The following PTPRM variants were observed in gnomAD, a reference collection of about 807,000 sequenced individuals.
The protein encoded by PTPRM is protein tyrosine phosphatase receptor type M.
PTPRM carries 47 observed loss-of-function variants against 186.7 expected under a neutral mutation model. That is an observed-to-expected ratio of 0.25 (90% CI 0.20 to 0.32). The LOEUF (loss-of-function observed/expected upper bound fraction) is 0.32. PTPRM is among the 10% of genes least tolerant of loss of function. The probability of loss-of-function intolerance (pLI) is 1.00; values close to 1 mark genes in which losing one functional copy is unlikely to be tolerated. For missense variants in PTPRM, 1,494 were observed against 1,865.0 expected, an observed-to-expected ratio of 0.80 and a Z score of 3.66; for synonymous variants, 668 against 674.9, an observed-to-expected ratio of 0.99 and a Z score of 0.16.
chr18:8,347,938 G>A (rs937956430), intron 23 of PTPRM, among the ~76,000 whole-genome samples: 16 of 152,190 alleles, frequency 1.1e-4, no homozygotes, highest in African/African-American at 3.9e-4. Flanking sequence ...ATCTGTCCTT[G>A]AAATGTCTGG....
At chr18:7,937,413 G>A (rs2051886667) in intron 5 of PTPRM, among the ~76,000 whole-genome samples, 1 of 152,168 alleles carries the variant, frequency 6.6e-6, no homozygotes. Flanking sequence ...ACCTGGAGCT[G>A]CCCATCCCAC....
intron 1 of PTPRM, among the ~76,000 whole-genome samples, chr18:7,574,277 A>C (rs2036632461): frequency 6.6e-6 from 1 of 152,246 alleles, no homozygotes; most frequent in African/African-American, 2.4e-5. Flanking sequence ...TGTAAAACTC[A>C]AATGAATAAA....
chr18:7,699,945 A>T (rs1351431917), intron 1 of PTPRM, among the ~76,000 whole-genome samples: 1 of 152,154 alleles, frequency 6.6e-6, no homozygotes, highest in Non-Finnish European at 1.5e-5. Context: ...AGCACCATTA[A>T]TTGAAAAGAG....
chr18:7,884,495 C>T (rs757450310), intron 2 of PTPRM, among the ~76,000 whole-genome samples: 1 of 152,094 alleles, frequency 6.6e-6, no homozygotes, highest in Non-Finnish European at 1.5e-5. Flanking sequence ...TGGGGGCAGT[C>T]CAGACAGAAT....
chr18:8,220,844 T>G (rs1482296209), intron 14 of PTPRM, among the ~76,000 whole-genome samples: 1 of 152,224 alleles, frequency 6.6e-6, no homozygotes, highest in Non-Finnish European at 1.5e-5. Flanking sequence ...GAGCTAAATG[T>G]AAGCATTTAT....
intron 2 of PTPRM, among the ~76,000 whole-genome samples, chr18:7,807,308 A>C (rs1261806361): frequency 6.6e-6 from 1 of 152,228 alleles, no homozygotes; most frequent in Non-Finnish European, 1.5e-5. Flanking sequence ...GCAAATACAG[A>C]AGGCAGAAAC....
At chr18:7,827,981 G>A (rs1416694409) in intron 2 of PTPRM, among the ~76,000 whole-genome samples, 1 of 152,214 alleles carries the variant, frequency 6.6e-6, no homozygotes, top group East Asian at 1.9e-4. Flanking sequence ...TCATCATCTG[G>A]AGCAGTGTGA....
chr18:8,274,059 C>T (rs895746066), intron 19 of PTPRM, among the ~76,000 whole-genome samples: 2 of 152,182 alleles, frequency 1.3e-5, no homozygotes, highest in Admixed American at 6.5e-5. Flanking sequence ...TAGTACTTCT[C>T]CCAATAGATG....
intron 2 of PTPRM, among the ~76,000 whole-genome samples, chr18:7,781,055 A>G (rs2042831545): frequency 6.6e-6 from 1 of 152,162 alleles, no homozygotes; most frequent in Non-Finnish European, 1.5e-5. Flanking sequence ...GCCCAGTGCA[A>G]TGTTCAACAG....
At chr18:8,387,797 G>T (rs978568424) in intron 31 of PTPRM, among the ~76,000 whole-genome samples, 5 of 152,168 alleles carry the variant, frequency 3.3e-5, no homozygotes, top group African/African-American at 1.2e-4. Context: ...GGGAGAATGT[G>T]TATATTGGGA....
At chr18:7,695,712 C>G (rs1018214228) in intron 1 of PTPRM, among the ~76,000 whole-genome samples, 1 of 152,122 alleles carries the variant, frequency 6.6e-6, no homozygotes, top group Non-Finnish European at 1.5e-5. Flanking sequence ...GCAGAGTTAG[C>G]AGGAAGAGTG....
intron 14 of PTPRM, among the ~76,000 whole-genome samples, chr18:8,237,431 A>ATT (rs59073560): frequency 0.012 from 832 of 71,586 alleles, 67 homozygotes; most frequent in African/African-American, 0.022. Context: ...GATTCCCTCA[A>ATT]TTTTTTTTTT....
intron 19 of PTPRM, among the ~76,000 whole-genome samples, chr18:8,296,070 A>G (rs962910983): frequency 6.6e-6 from 1 of 152,252 alleles, no homozygotes; most frequent in African/African-American, 2.4e-5. Context: ...TTAAATATTC[A>G]GCTGAGATGG....
intron 1 of PTPRM, among the ~76,000 whole-genome samples, chr18:7,681,894 C>T (rs527369930): frequency 1.9e-4 from 29 of 152,304 alleles, no homozygotes; most frequent in African/African-American, 7.0e-4. Context: ...CTGGATGCTT[C>T]TCATGCACTG....
At chr18:8,261,826 G>T (rs1201518337) in intron 19 of PTPRM, among the ~76,000 whole-genome samples, 1 of 152,176 alleles carries the variant, frequency 6.6e-6, no homozygotes, top group East Asian at 1.9e-4. Context: ...CAACTGTCTG[G>T]TTTCCATTTT....
chr18:7,888,254 T>A lies in PTPRM; in HGVS notation c.345T>A (p.Asn115Lys). Residue 115 changes from asparagine (N) to lysine (K), a missense_variant, in exon 3 of 33, where the codon AAT becomes AAA. By Grantham distance (94) the Asn-to-Lys change is moderately conservative (BLOSUM62 0). This residue lies in a region of PTPRM where 296 missense variants were observed against 345.5 expected (regional missense o/e 0.86). Transcript: ENST00000580170. Reference sequence around the variant, plus strand: ...GTAATTCTCCTCCGGGGTTACTCAATGTCTACGTGAAGGTCAATAACGGGC... The same window carrying A: ...GTAATTCTCCTCCGGGGTTACTCAAAGTCTACGTGAAGGTCAATAACGGGC... ...SKSNSPPGLL[N>K]VYVKVNNGPL... is the part of the protein sequence containing the mutation. 2 of 1,614,188 alleles carry A rather than the reference T, an allele frequency of 1.2e-6. No homozygotes were observed. Among genetic ancestry groups the A allele is most frequent in the Non-Finnish European group, 1.7e-6 (2 of 1,180,014 alleles).
chr18:7,978,455 C>CT (rs1422901577), intron 7 of PTPRM, among the ~76,000 whole-genome samples: 8 of 152,292 alleles, frequency 5.3e-5, no homozygotes, highest in East Asian at 1.9e-4. Flanking sequence ...TATTTGACCA[C>CT]TAAATGGACT....
chr18:7,953,420 A>G (rs2053106024), intron 6 of PTPRM, among the ~76,000 whole-genome samples: 5 of 152,232 alleles, frequency 3.3e-5, no homozygotes, highest in Admixed American at 3.3e-4. Context: ...GCCTAATGAT[A>G]TGAATTGATG....
chr18:8,090,316 G>T (rs1015266131), intron 11 of PTPRM, among the ~76,000 whole-genome samples: 8 of 152,130 alleles, frequency 5.3e-5, no homozygotes, highest in African/African-American at 1.9e-4. Flanking sequence ...CTTAACAGTT[G>T]CTCAGACTCA....
Sources: allele counts gnomAD v4.1 joint callset (sites outside exome capture counted in the v4.1 genomes callset), GRCh38; gene constraint gnomAD v4.1.1; regional missense constraint gnomAD v4.1.1; transcripts MANE v1.5; gene names NCBI Gene and HGNC (gene_info 2026-07-23, HGNC 2026-07-21).